LDB2: variants seen among roughly 807,000 people sequenced by gnomAD.
LDB2 encodes the protein LIM domain binding 2.
LDB2 carries 12 observed loss-of-function variants against 44.3 expected under a neutral mutation model. The observed-to-expected ratio is 0.27, with a 90% CI of 0.17 to 0.44. The LOEUF is 0.44. Ranked by LOEUF, LDB2 falls within the 20% of genes least tolerant of loss-of-function variation. The pLI is 1.00. For missense variants in LDB2, 344 were observed against 473.5 expected, an observed-to-expected ratio of 0.73 and a Z score of 2.54; for synonymous variants, 164 against 174.8, an observed-to-expected ratio of 0.94 and a Z score of 0.49.
chr4:16,587,589 C>A (rs1717447977), intron 4 of LDB2, among the ~76,000 whole-genome samples: 1 of 90,720 alleles, frequency 1.1e-5, no homozygotes, highest in South Asian at 3.5e-4. Context: ...AATCATGGAG[C>A]AGGAGAGTGG....
chr4:16,881,699 C>T (rs1233803026), intron 1 of LDB2, among the ~76,000 whole-genome samples: 1 of 151,242 alleles, frequency 6.6e-6, no homozygotes. Context: ...ATTTTCCACC[C>T]TCTACTCAGA....
At chr4:16,821,155 T>G (rs1781888557) in intron 1 of LDB2, among the ~76,000 whole-genome samples, 1 of 152,200 alleles carries the variant, frequency 6.6e-6, no homozygotes, top group Non-Finnish European at 1.5e-5. Flanking sequence ...CCTTCTTCCG[T>G]GTTAAATTGT....
chr4:16,898,194 C>T (rs1174797382), intron 1 of LDB2, among the ~76,000 whole-genome samples, 160 bp downstream of exon 1: 2 of 151,744 alleles, frequency 1.3e-5, no homozygotes, highest in Non-Finnish European at 2.9e-5. Context: ...GCCTGGAAAC[C>T]CAGCGTCCAA....
At chr4:16,686,246 A>G (rs1470423505) in intron 2 of LDB2, among the ~76,000 whole-genome samples, 2 of 152,250 alleles carry the variant, frequency 1.3e-5, no homozygotes, top group Non-Finnish European at 2.9e-5. Flanking sequence ...TTTATCCCAT[A>G]CTAAGCCAAT....
chr4:16,652,782 A>C (rs1375503649), intron 2 of LDB2, among the ~76,000 whole-genome samples: 2 of 152,116 alleles, frequency 1.3e-5, no homozygotes, highest in Admixed American at 6.5e-5. Context: ...ACGGCAGTTG[A>C]TTATATTCAG....
At chr4:16,545,502 C>T (rs1051816440) in intron 5 of LDB2, among the ~76,000 whole-genome samples, 3 of 152,132 alleles carry the variant, frequency 2.0e-5, no homozygotes, top group South Asian at 2.1e-4. Context: ...ATCTTCAAAA[C>T]GTGTACACCA....
chr4:16,838,942 A>T (rs1223382319), intron 1 of LDB2, among the ~76,000 whole-genome samples: 2 of 152,190 alleles, frequency 1.3e-5, no homozygotes, highest in Non-Finnish European at 2.9e-5. Context: ...ATGAATGAGA[A>T]ATTAAAATGT....
At chr4:16,646,412 T>C (rs1736808860) in intron 2 of LDB2, among the ~76,000 whole-genome samples, 2 of 152,336 alleles carry the variant, frequency 1.3e-5, no homozygotes, top group East Asian at 1.9e-4. Context: ...CACTTTGCCA[T>C]GTGACATTGC....
At chr4:16,791,373 G>C (rs902743363) in intron 1 of LDB2, among the ~76,000 whole-genome samples, 1 of 151,852 alleles carries the variant, frequency 6.6e-6, no homozygotes, top group Admixed American at 6.6e-5. Flanking sequence ...TGGCCAACAT[G>C]GTGAAACCCC....
intron 1 of LDB2, among the ~76,000 whole-genome samples, chr4:16,803,302 G>GA (rs1778201825): frequency 6.6e-6 from 1 of 152,058 alleles, no homozygotes; most frequent in Admixed American, 6.6e-5. Flanking sequence ...AGTTTTTGGG[G>GA]AATCAGATAG....
intron 2 of LDB2, among the ~76,000 whole-genome samples, chr4:16,729,603 C>A (rs1189625581): frequency 6.6e-6 from 1 of 152,210 alleles, no homozygotes; most frequent in Admixed American, 6.5e-5. Context: ...AAGCTACAAA[C>A]AGACTCTATA....
At chr4:16,880,538 G>T (rs935100587) in intron 1 of LDB2, among the ~76,000 whole-genome samples, 1 of 152,176 alleles carries the variant, frequency 6.6e-6, no homozygotes, top group Non-Finnish European at 1.5e-5. Flanking sequence ...GGTGCTTATA[G>T]TTAGTTGCCT....
intron 2 of LDB2, among the ~76,000 whole-genome samples, chr4:16,731,364 C>T (rs2108921457): frequency 6.6e-6 from 1 of 152,294 alleles, no homozygotes; most frequent in South Asian, 2.1e-4. Context: ...TATGTTGAAG[C>T]TCCAACCCTT....
chr4:16,773,179 C>T (rs543379405), intron 1 of LDB2, among the ~76,000 whole-genome samples: 31 of 152,270 alleles, frequency 2.0e-4, no homozygotes, highest in Admixed American at 1.2e-3. Context: ...GTCTTTATGA[C>T]GTCTGAAGAG....
At position 16,512,072 on chromosome 4, in the gene LDB2, C is replaced by G. The variant is rs1211933554; in HGVS notation, c.648G>C (p.Leu216=). 6.2e-7 allele frequency: 1 copy of G among 1,613,422 alleles called. No homozygotes were observed. Among genetic ancestry groups the G allele is most frequent in the East Asian group, 2.2e-5 (1 of 44,826 alleles). Residue 216 remains leucine (L), a synonymous_variant, in exon 6 of 8, where the codon CTG becomes CTC. Transcript: ENST00000304523. The stretch of plus-strand genomic sequence containing the variant: ...GGTTGTAAGTTTTATGTCTCGACAT[C>G]AGTTCCTGCATTGGCTCCAATATTA... ...LCVILEPMQE[L]MSRHKTYNLS...
chr4:16,633,316 T>A (rs1732557124), intron 2 of LDB2, among the ~76,000 whole-genome samples: 1 of 152,112 alleles, frequency 6.6e-6, no homozygotes, highest in African/African-American at 2.4e-5. Flanking sequence ...AGGGATAGCA[T>A]TAGGAGATAT....
intron 1 of LDB2, among the ~76,000 whole-genome samples, chr4:16,846,592 C>T (rs1054309680): frequency 6.6e-6 from 1 of 152,092 alleles, no homozygotes; most frequent in Non-Finnish European, 1.5e-5. Context: ...GCTATAAAAA[C>T]ACTGAATATG....
At chr4:16,636,194 G>T (rs745724391) in intron 2 of LDB2, among the ~76,000 whole-genome samples, 15 of 152,204 alleles carry the variant, frequency 9.9e-5, no homozygotes, top group Non-Finnish European at 1.6e-4. Flanking sequence ...AACTGCTAAG[G>T]CTCAGGGAGC....
chr4:16,623,033 C>G (rs1578269343), intron 2 of LDB2, among the ~76,000 whole-genome samples: 1 of 152,186 alleles, frequency 6.6e-6, no homozygotes, highest in Non-Finnish European at 1.5e-5. Context: ...AAACCTATGA[C>G]TAGAATGCAT....
Sources: allele counts gnomAD v4.1 joint callset (sites outside exome capture counted in the v4.1 genomes callset), GRCh38; gene constraint gnomAD v4.1.1; transcripts MANE v1.5; gene names NCBI Gene and HGNC (gene_info 2026-07-23, HGNC 2026-07-21).